TRPC3: variants seen among roughly 807,000 people sequenced by gnomAD.
TRPC3 encodes the protein transient receptor potential cation channel subfamily C member 3, also known as short transient receptor potential channel 3.
Under a neutral mutation model 90.9 loss-of-function variants are expected in TRPC3, and 54 were observed. The ratio of observed to expected loss-of-function variants is 0.59; its 90% CI spans 0.48 to 0.75. The LOEUF (loss-of-function observed/expected upper bound fraction) is 0.75, where lower values mean the gene tolerates loss of function less well. TRPC3 is among the 30% of genes least tolerant of loss of function. TRPC3 has a pLI of 0.00. For synonymous variants in TRPC3, 424 were observed against 450.9 expected, an observed-to-expected ratio of 0.94 and a Z score of 0.75; for missense variants, 918 against 1,194.5, an observed-to-expected ratio of 0.77 and a Z score of 3.41.
At chr4:121,939,667 G>C (rs1443378344) in intron 1 of TRPC3, among the ~76,000 whole-genome samples, 1 of 152,268 alleles carries the variant, frequency 6.6e-6, no homozygotes, top group Non-Finnish European at 1.5e-5. Context: ...CTGCACTAAG[G>C]CTTGGGACAG....
At chr4:121,901,145 C>A (rs1728686172) in intron 9 of TRPC3, among the ~76,000 whole-genome samples, 1 of 152,186 alleles carries the variant, frequency 6.6e-6, no homozygotes, top group African/African-American at 2.4e-5. Context: ...AAGGTGTGTT[C>A]TGTGAAGTGC....
intron 9 of TRPC3, among the ~76,000 whole-genome samples, chr4:121,902,421 G>T (rs1728735047): frequency 1.3e-5 from 2 of 152,114 alleles, no homozygotes; most frequent in Non-Finnish European, 2.9e-5. Context: ...ATGGAAAAAA[G>T]ATTATTTAGT....
In TRPC3 at chr4:121,876,650, TATC is replaced by T. The variant is rs1174630275; in HGVS notation, c.*3083_*3085del. Among the ~76,000 whole-genome samples, 1 of 152,214 alleles carries T rather than the reference TATC, an allele frequency of 6.6e-6. No homozygotes were observed. The highest frequency in any genetic ancestry group is 1.9e-4 in the East Asian group (1 of 5,190). On this transcript the variant is annotated 3_prime_UTR_variant, in exon 12 of 12. Transcript: ENST00000379645. ...AAATTTGCTTTTAATAATCACAACATATCATTTTTGTTTTTATTGTGCATAAAC... is the reference window on the plus strand; with the variant it reads ...AAATTTGCTTTTAATAATCACAACATATTTTTGTTTTTATTGTGCATAAAC...
intron 1 of TRPC3, among the ~76,000 whole-genome samples, chr4:121,946,248 G>A (rs1460956370): frequency 1.3e-5 from 2 of 152,162 alleles, no homozygotes; most frequent in African/African-American, 4.8e-5. Context: ...CCATACCAAG[G>A]CACATCTTCA....
chr4:121,913,236 C>A (rs567787242), intron 4 of TRPC3, among the ~76,000 whole-genome samples: 1 of 152,172 alleles, frequency 6.6e-6, no homozygotes, highest in Non-Finnish European at 1.5e-5. Context: ...GGTAGCTTAT[C>A]CGTAGCACAT....
chr4:121,942,013 G>A (rs1730335005), intron 1 of TRPC3, among the ~76,000 whole-genome samples: 1 of 152,108 alleles, frequency 6.6e-6, no homozygotes, highest in East Asian at 1.9e-4. Flanking sequence ...ACATCATAGA[G>A]CTCAATAATA....
chr4:121,903,654 G>A (rs1374993544), intron 8 of TRPC3, among the ~76,000 whole-genome samples: 1 of 152,110 alleles, frequency 6.6e-6, no homozygotes, highest in Non-Finnish European at 1.5e-5. Context: ...TAACTGATAG[G>A]AGAAATGAAG....
At chr4:121,893,058 T>C (rs1578604086) in intron 10 of TRPC3, among the ~76,000 whole-genome samples, 1 of 149,632 alleles carries the variant, frequency 6.7e-6, no homozygotes, top group Non-Finnish European at 1.5e-5. Context: ...GAGGTGGAGG[T>C]TGCAGTGAGC....
chr4:121,951,566 C>T lies in TRPC3; in HGVS notation c.115G>A (p.Gly39Ser), dbSNP rs1169143600. ...EGAEPQRRRRGWRGVNGGLEP... is the reference protein window; with the variant it reads ...EGAEPQRRRRSWRGVNGGLEP... ...AGCCCCCCGTTGACGCCCCTCCAGC[C>T]CCGGCGGCGGCGCTGCGGCTCCGCG... Residue 39 changes from glycine to serine, a missense_variant, in exon 1 of 12, where the codon GGC (glycine) becomes AGC (serine). Coordinates refer to ENST00000379645, the MANE Select transcript of TRPC3 (RefSeq NM_001130698.2). This position sits in a 1 kb window ranked among gnomAD's most constrained non-coding sequence, Gnocchi z 4.4. The T allele has an allele frequency of 4.8e-6, 7 of 1,446,808 alleles. No individual in the cohort carries two copies. Among genetic ancestry groups the T allele is most frequent in the Non-Finnish European group, 6.4e-6 (7 of 1,096,134 alleles). 89.6% of individuals were successfully genotyped at this position (1,446,808 alleles called of 1,614,324 possible).
At chr4:121,899,493 C>A in intron 10 of TRPC3, 119 bp downstream of exon 10, 1 of 726,102 alleles carries the variant, frequency 1.4e-6, no homozygotes, top group South Asian at 2.5e-5. Context: ...CTGAACTATC[C>A]TCATGGTATA....
intron 1 of TRPC3, among the ~76,000 whole-genome samples, chr4:121,942,988 T>A (rs1457219227): frequency 6.6e-6 from 1 of 152,232 alleles, no homozygotes; most frequent in Non-Finnish European, 1.5e-5. Flanking sequence ...AACCAACTAC[T>A]GTATTGCTTT....
At chr4:121,922,079 C>T (rs1007453629) in intron 3 of TRPC3, among the ~76,000 whole-genome samples, 7 of 151,900 alleles carry the variant, frequency 4.6e-5, no homozygotes, top group South Asian at 2.1e-4. Flanking sequence ...CCACCACGCC[C>T]GTCTAATTTT....
At chr4:121,909,519 G>A (rs540509072) in intron 6 of TRPC3, among the ~76,000 whole-genome samples, 2 of 152,148 alleles carry the variant, frequency 1.3e-5, no homozygotes, top group East Asian at 1.9e-4. Context: ...TGGTTTGTAC[G>A]GGGCAAGGAA....
intron 9 of TRPC3, among the ~76,000 whole-genome samples, chr4:121,900,750 G>T (rs1181111271): frequency 6.6e-6 from 1 of 152,188 alleles, no homozygotes; most frequent in African/African-American, 2.4e-5. Flanking sequence ...TTAAAGAGAT[G>T]TAAACAGCTA....
intron 3 of TRPC3, among the ~76,000 whole-genome samples, chr4:121,917,578 G>A (rs1729361660): frequency 6.6e-6 from 1 of 152,200 alleles, no homozygotes; most frequent in African/African-American, 2.4e-5. Flanking sequence ...AGGGTACACA[G>A]TAAGCTTTGA....
chr4:121,876,028 A>G lies in TRPC3; in HGVS notation c.*3708T>C, dbSNP rs538850943. On this transcript the variant is annotated 3_prime_UTR_variant, in exon 12 of 12. Transcript: ENST00000379645. ...ATCCTCTCACCCCAGCCTCCTGAGT[A>G]ACTGGAACCACAGACACATGCCACC... Among the ~76,000 whole-genome samples the G allele has an allele frequency of 6.6e-6, 1 of 150,796 alleles. No homozygotes were observed. The highest frequency in any genetic ancestry group is 1.5e-5 in the Non-Finnish European group (1 of 67,852).
At chr4:121,894,139 C>T (rs572469380) in intron 10 of TRPC3, among the ~76,000 whole-genome samples, 2 of 151,854 alleles carry the variant, frequency 1.3e-5, no homozygotes, top group South Asian at 4.2e-4. Context: ...CTTATAATAG[C>T]TAAATATTAG....
intron 9 of TRPC3, among the ~76,000 whole-genome samples, chr4:121,902,426 T>C (rs1225108417): frequency 6.6e-6 from 1 of 152,202 alleles, no homozygotes; most frequent in Non-Finnish European, 1.5e-5. Flanking sequence ...AAAAAGATTA[T>C]TTAGTCAAAT....
chr4:121,920,844 A>G (rs1446470803), intron 3 of TRPC3, among the ~76,000 whole-genome samples: 1 of 152,202 alleles, frequency 6.6e-6, no homozygotes, highest in Non-Finnish European at 1.5e-5. Context: ...TGGGATATTA[A>G]GAAGATCAAT....
Sources: gnomAD v4.1 joint callset for allele counts (sites outside exome capture counted in the v4.1 genomes callset) on GRCh38, gnomAD v4.1.1 for gene constraint, Gnocchi (gnomAD v3.1) non-coding constraint, MANE v1.5 for transcripts, NCBI Gene and HGNC (gene_info 2026-07-23, HGNC 2026-07-21) for gene names.